Variants in BBS2 observed in about 807,000 individuals in gnomAD.
BBS2 encodes Bardet-Biedl syndrome 2, also known as BBSome complex member BBS2.
BBS2 carries 62 observed loss-of-function variants against 83.0 expected under a neutral mutation model. The observed-to-expected ratio is 0.75, with a 90% CI of 0.61 to 0.92. The LOEUF (loss-of-function observed/expected upper bound fraction) is 0.92, where lower values mean the gene tolerates loss of function less well. Ranked by LOEUF, BBS2 falls within the 40% of genes least tolerant of loss-of-function variation. The pLI is 0.00. For missense variants in BBS2, 784 were observed against 901.0 expected, an observed-to-expected ratio of 0.87 and a Z score of 1.66; for synonymous variants, 303 against 326.1, an observed-to-expected ratio of 0.93 and a Z score of 0.76.
chr16:56,515,214 C>T (rs1261657143), intron 1 of BBS2, among the ~76,000 whole-genome samples: 1 of 152,134 alleles, frequency 6.6e-6, no homozygotes, highest in Non-Finnish European at 1.5e-5. Flanking sequence ...CAGTTTATAC[C>T]AGTGACATAG....
At chr16:56,514,863 C>G (rs1964688768) in intron 1 of BBS2, among the ~76,000 whole-genome samples, 183 bp from the exon 2 acceptor site, 1 of 152,148 alleles carries the variant, frequency 6.6e-6, no homozygotes, top group Non-Finnish European at 1.5e-5. Flanking sequence ...ATTATGAAAT[C>G]ACGGAAATCC....
At chr16:56,491,176 T>G (rs1963941314) in intron 15 of BBS2, among the ~76,000 whole-genome samples, 1 of 152,218 alleles carries the variant, frequency 6.6e-6, no homozygotes, top group Non-Finnish European at 1.5e-5. Context: ...CACTATGGTT[T>G]GGATGTGGTT....
At chr16:56,492,340 G>C (rs1173417291) in intron 15 of BBS2, among the ~76,000 whole-genome samples, 2 of 152,128 alleles carry the variant, frequency 1.3e-5, no homozygotes, top group African/African-American at 2.4e-5. Flanking sequence ...TTAAAAGAGA[G>C]GGAAATTCTG....
rs746917866 is a variant in BBS2, at chr16:56,485,576, GAA to G, written c.2059+12_2059+13del. On this transcript the variant is annotated intron_variant, in intron 16 of 16. Coordinates refer to ENST00000245157, the MANE Select transcript of BBS2 (RefSeq NM_031885.5). ...ATTACAGATCAAAGTGCAGTGTTAT[GAA>G]AAGAGACTTACCCCGCAGACGACCT... 3.0e-4 allele frequency: 487 copies of G among 1,613,772 alleles called. No individual in the cohort carries two copies. The highest frequency in any genetic ancestry group is 5.8e-4 in the South Asian group (53 of 91,064).
At chr16:56,472,910 GT>G (rs1963264489) in intron 17 of BBS2, among the ~76,000 whole-genome samples, 1 of 150,630 alleles carries the variant, frequency 6.6e-6, no homozygotes, top group African/African-American at 2.4e-5. Context: ...CACCAAAGCA[GT>G]TTTGCTTTTT....
rs1199340860 is a variant in BBS2 at position 56,505,182 on chromosome 16, C to CA, written c.804+767dup. On this transcript the variant is annotated intron_variant, in intron 7 of 16. Transcript: ENST00000245157. Reference sequence around the variant, plus strand: ...TCATATTTCTTAATAAGCAACTATACAGTCTTATAATTTTTAGTACCCATA... The same window carrying CA: ...TCATATTTCTTAATAAGCAACTATACAAGTCTTATAATTTTTAGTACCCATA... Among the ~76,000 whole-genome samples, 6 of 152,360 alleles carry CA rather than the reference C, an allele frequency of 3.9e-5. No homozygotes were observed. The East Asian group carries it at 9.6e-4, about 24-fold the overall frequency.
Position 56,519,993 on chromosome 16 carries a change from C to A in BBS2, c.-131G>T. 1 of 784,908 alleles carries A rather than the reference C, an allele frequency of 1.3e-6. No individual in the cohort carries two copies. The highest frequency in any genetic ancestry group is 2.2e-6 in the Non-Finnish European group (1 of 457,264). 48.6% of individuals were successfully genotyped at this position (784,908 alleles called of 1,614,324 possible). ...CAGCCGCCTCAGGCCGGACGCGAAA[C>A]AGCCCGGGACGAACCCGTCCAGGTA... is the stretch of plus-strand genomic sequence containing the variant. On this transcript the variant is annotated 5_prime_UTR_variant, in exon 1 of 17. Coordinates refer to ENST00000245157, the MANE Select transcript of BBS2 (RefSeq NM_031885.5).
chr16:56,478,587 G>A (rs559514708), intron 17 of BBS2: 2 of 152,320 alleles, frequency 1.3e-5, no homozygotes, highest in South Asian at 4.1e-4. Flanking sequence ...GCTTGGGTAG[G>A]TGAAACTGTC....
intron 13 of BBS2, 141 bp downstream of exon 13, chr16:56,498,296 T>C: frequency 8.9e-7 from 1 of 1,118,600 alleles, no homozygotes; most frequent in Non-Finnish European, 1.3e-6. Context: ...TTTATGACCT[T>C]GACATTGATG....
At chr16:56,500,700 T>G in intron 11 of BBS2, 154 bp downstream of exon 11, 1 of 693,234 alleles carries the variant, frequency 1.4e-6, no homozygotes. Flanking sequence ...GGTTTCAAAC[T>G]GAGGAAATAA....
intron 9 of BBS2, chr16:56,501,747 T>C: frequency 1.9e-6 from 1 of 522,098 alleles, no homozygotes; most frequent in East Asian, 3.5e-5. Flanking sequence ...GACTTTAACA[T>C]TTTTGAAGTA....
chr16:56,483,744 A>C (rs1450501136), downstream of BBS2, among the ~76,000 whole-genome samples: 1 of 151,378 alleles, frequency 6.6e-6, no homozygotes, highest in Non-Finnish European at 1.5e-5. Flanking sequence ...CTTGTCACCC[A>C]GGCTGGAGTG....
At position 56,485,699 on chromosome 16, in the gene BBS2, A is replaced by G. The variant is rs752978565; in HGVS notation, c.1950T>C (p.Leu650=). The G allele has an allele frequency of 2.5e-6, 4 of 1,613,798 alleles. No homozygotes were observed. In the African/African-American group the frequency reaches 5.3e-5, roughly 22 times the overall value. Residue 650 remains leucine (L), a synonymous_variant, in exon 16 of 17, where the codon CTT becomes CTC. Transcript: ENST00000245157. ...TATATCCATTTAGCAAGTCTCTATT[A>G]AGGTCATAGAGTTCCATATAACGAC... is the stretch of plus-strand genomic sequence containing the variant. ...MKSRYMELYD[L]NRDLLNGYKI...
chr16:56,484,667 C>A lies in BBS2; in HGVS notation c.*94G>T. 1.0e-6 allele frequency: 1 copy of A among 993,894 alleles called. No individual in the cohort carries two copies. Among genetic ancestry groups the A allele is most frequent in the Non-Finnish European group, 1.6e-6 (1 of 633,064 alleles). The allele number at this position is 993,894 out of a possible 1,614,324, so 61.6% of individuals were successfully genotyped here. A position where few individuals can be genotyped will look rare whatever the true frequency, so the allele number is the denominator to read the frequency against. On this transcript the variant is annotated 3_prime_UTR_variant, in exon 17 of 17. Transcript: ENST00000245157. ...ACCAAGGTTATTTTCATTCTTAGCA[C>A]CCGGGGTTCACCAGGGTGTGATCCA...
intron 17 of BBS2, chr16:56,477,655 C>T (rs1259718413): frequency 6.6e-6 from 1 of 152,126 alleles, no homozygotes; most frequent in Non-Finnish European, 1.5e-5. Context: ...ATCATAATTA[C>T]CTGTGTGTGG....
chr16:56,480,854 A>G (rs117634520), downstream of BBS2, among the ~76,000 whole-genome samples: 44 of 152,284 alleles, frequency 2.9e-4, no homozygotes, highest in East Asian at 8.5e-3. Flanking sequence ...CTGATGCAAA[A>G]TCAGTCCACA....
chr16:56,502,817 A>G lies in BBS2; in HGVS notation c.805-9T>C. ...TCACTTCGAGCATCAACCTACAAAT[A>G]AAACACAAATTTAAAAGTTGCTTAT... is the stretch of plus-strand genomic sequence containing the variant. On this transcript the variant is annotated splice_polypyrimidine_tract_variant and intron_variant, in intron 7 of 16. Transcript: ENST00000245157. The G allele has an allele frequency of 6.2e-7, 1 of 1,614,152 alleles. No individual in the cohort carries two copies. Among genetic ancestry groups the G allele is most frequent in the South Asian group, 1.1e-5 (1 of 91,084 alleles).
intron 17 of BBS2, chr16:56,474,731 T>C (rs1963375161): frequency 1.1e-6 from 1 of 875,174 alleles, no homozygotes; most frequent in African/African-American, 1.7e-5. Flanking sequence ...ATGGTTTCCC[T>C]GTGTTGCTGT....
At chr16:56,506,358 AGTGGG>A in intron 5 of BBS2, 134 bp from the exon 6 acceptor site, 2 of 715,350 alleles carry the variant, frequency 2.8e-6, no homozygotes, top group East Asian at 5.4e-5. Flanking sequence ...CCAATCCATT[AGTGGG>A]GAATGTATTC....
Sources: gnomAD v4.1 joint callset for allele counts (sites outside exome capture counted in the v4.1 genomes callset) on GRCh38, gnomAD v4.1.1 for gene constraint, MANE v1.5 for transcripts, NCBI Gene and HGNC (gene_info 2026-07-23, HGNC 2026-07-21) for gene names.